Variants in PDZD7 observed in about 807,000 individuals in gnomAD.
The protein encoded by PDZD7 is PDZ domain-containing protein 7.
PDZD7 carries 72 observed loss-of-function variants against 84.7 expected under a neutral mutation model. The ratio of observed to expected loss-of-function variants is 0.85; its 90% CI spans 0.70 to 1.03. The LOEUF (loss-of-function observed/expected upper bound fraction) is 1.03. Ranked by LOEUF, PDZD7 falls within the 50% of genes least tolerant of loss-of-function variation. PDZD7 has a pLI of 0.00. For synonymous variants in PDZD7, 594 were observed against 580.7 expected, an observed-to-expected ratio of 1.02 and a Z score of -0.33; for missense variants, 1,490 against 1,412.9, an observed-to-expected ratio of 1.05 and a Z score of -0.87.
rs1180727289 is a variant in PDZD7, at chr10:101,019,232, G to T, written c.929-15C>A. The T allele has an allele frequency of 1.3e-6, 2 of 1,535,392 alleles. No individual in the cohort carries two copies. Among genetic ancestry groups the T allele is most frequent in the East Asian group, 4.9e-5 (2 of 40,926 alleles). On this transcript the variant is annotated splice_polypyrimidine_tract_variant and intron_variant, in intron 7 of 16. Transcript: ENST00000619208. ...CCCGTTGCTCACTGCAGGGAGTAGA[G>T]AAGCCAGGGATCAGCGGGCTTGCTT...
In PDZD7 at chr10:101,017,854, A is replaced by AG. The variant is rs1554834581; in HGVS notation, c.1522+244dup. Reference sequence around the variant, plus strand: ...AGGAAGGAAGGAAAGAAAGAAAGAAAGAAAGAAAGAAAGAAAGAAAGAAAG... The same window carrying AG: ...AGGAAGGAAGGAAAGAAAGAAAGAAAGGAAAGAAAGAAAGAAAGAAAGAAAG... On this transcript the variant is annotated intron_variant, in intron 9 of 16. Coordinates refer to ENST00000619208, the MANE Select transcript of PDZD7 (RefSeq NM_001195263.2). 5.5e-6 allele frequency: 2 copies of AG among 364,182 alleles called. 1 individual carries two copies. The highest frequency in any genetic ancestry group is 7.9e-5 in the South Asian group (2 of 25,204). 22.6% of individuals were successfully genotyped at this position (364,182 alleles called of 1,614,324 possible). A position where few individuals can be genotyped will look rare whatever the true frequency, so the allele number is the denominator to read the frequency against.
Position 101,017,692 on chromosome 10 carries a change from G to A in PDZD7, c.1522+407C>T, listed in dbSNP as rs1321237600. On this transcript the variant is annotated intron_variant, in intron 9 of 16. Coordinates refer to ENST00000619208, the MANE Select transcript of PDZD7 (RefSeq NM_001195263.2). Reference sequence around the variant, plus strand: ...TGCCAGCACTTTGGGAGGCTGAGGTGGGAGGATCGCTTGAGCGTGGGAGGC... The same window carrying A: ...TGCCAGCACTTTGGGAGGCTGAGGTAGGAGGATCGCTTGAGCGTGGGAGGC... The A allele has an allele frequency of 1.5e-5, 10 of 685,342 alleles. 1 individual carries two copies. Among genetic ancestry groups the A allele is most frequent in the Non-Finnish European group, 2.4e-5 (9 of 375,430 alleles). 42.5% of individuals were successfully genotyped at this position (685,342 alleles called of 1,614,324 possible). A position where few individuals can be genotyped will look rare whatever the true frequency, so the allele number is the denominator to read the frequency against.
intron 11 of PDZD7, among the ~76,000 whole-genome samples, chr10:101,013,831 G>C (rs1852483680): frequency 6.6e-6 from 1 of 151,434 alleles, no homozygotes; most frequent in Non-Finnish European, 1.5e-5. Context: ...ACAGCGATCA[G>C]ACAGGGGTTT....
chr10:101,016,268 C>T, intron 10 of PDZD7, 109 bp downstream of exon 10: 1 of 1,157,000 alleles, frequency 8.6e-7, no homozygotes, highest in Non-Finnish European at 1.3e-6. Context: ...ATCCCCCATG[C>T]TTGACCCTGA....
chr10:101,023,697 T>G, intron 3 of PDZD7, 87 bp from the exon 4 acceptor site: 5 of 1,527,102 alleles, frequency 3.3e-6, no homozygotes, highest in Non-Finnish European at 4.5e-6. Context: ...GGGGTCAAAC[T>G]GAGCTTCTCA....
chr10:101,008,138 C>T lies in PDZD7; in HGVS notation c.*329G>A, dbSNP rs989251211. ...GAGTCTGTGTCCCTGGAGGCTTGGG[C>T]GACTCATAAGGGACAGCATGTGAGA... On this transcript the variant is annotated 3_prime_UTR_variant, in exon 17 of 17. Transcript: ENST00000619208. 6 of 368,080 alleles carry T rather than the reference C, an allele frequency of 1.6e-5. No individual in the cohort carries two copies. The highest frequency in any genetic ancestry group is 4.2e-5 in the East Asian group (1 of 23,742). 22.8% of individuals were successfully genotyped at this position (368,080 alleles called of 1,614,324 possible).
rs1375790216 is a variant in PDZD7 at position 101,008,553 on chromosome 10, G to T, written c.3016C>A (p.Leu1006Ile). ...NPQTPPTDAR[L>I]LQPTPSPAPS... Reference sequence around the variant, plus strand: ...GCTGGGCTGGGAGTTGGCTGGAGGAGCCTGGCATCAGTGGGAGGAGTCTGG... The same window carrying T: ...GCTGGGCTGGGAGTTGGCTGGAGGATCCTGGCATCAGTGGGAGGAGTCTGG... Residue 1006 changes from leucine (L) to isoleucine (I), a missense_variant, in exon 17 of 17, where the codon CTC becomes ATC. Leu to Ile is a conservative substitution (Grantham distance 5, BLOSUM62 2). Coordinates refer to ENST00000619208, the MANE Select transcript of PDZD7 (RefSeq NM_001195263.2). 9 of 1,535,798 alleles carry T rather than the reference G, an allele frequency of 5.9e-6. No individual in the cohort carries two copies. The highest frequency in any genetic ancestry group is 7.8e-6 in the Non-Finnish European group (9 of 1,146,864).
At chr10:101,026,136 G>T (rs1937685363) in intron 2 of PDZD7, among the ~76,000 whole-genome samples, 2 of 151,680 alleles carry the variant, frequency 1.3e-5, no homozygotes, top group Middle Eastern at 3.2e-3. Flanking sequence ...TGTCGGGGAA[G>T]AATTTTTTTT....
chr10:101,009,288 A>C lies in PDZD7; in HGVS notation c.2680T>G (p.Phe894Val). 2.0e-6 allele frequency: 3 copies of C among 1,535,994 alleles called. No individual in the cohort carries two copies. The highest frequency in any genetic ancestry group is 2.6e-6 in the Non-Finnish European group (3 of 1,146,798). Residue 894 changes from phenylalanine to valine, a missense_variant, in exon 16 of 17, where the codon TTC (phenylalanine) becomes GTC (valine). By Grantham distance (50) the Phe-to-Val change is conservative. Transcript: ENST00000619208. Reference protein sequence around the residue: ...VQPMVKIEKIFPGGAAFLSGA... With the variant: ...VQPMVKIEKIVPGGAAFLSGA... ...CTGAGGAAAGCGGCCCCCCCAGGGA[A>C]GATCTTCTCTATCTTCACCATGGGC...
At chr10:101,017,866 A>AGAAAGAAAGAAG (rs1852753191) in intron 9 of PDZD7, 2 of 434,110 alleles carry the variant, frequency 4.6e-6, no homozygotes, top group East Asian at 3.5e-5. Flanking sequence ...AAAGAAAGAA[A>AGAAAGAAAGAAG]GAAAGAAAGA....
In PDZD7 at chr10:101,007,725, C is replaced by T. The variant is rs1852261274; in HGVS notation, c.*742G>A. Reference sequence around the variant, plus strand: ...ATTTGTGTTTGTGACCAAGCAGCCTCTCCCTTCACCCAGGTTTATGGCCTC... The same window carrying T: ...ATTTGTGTTTGTGACCAAGCAGCCTTTCCCTTCACCCAGGTTTATGGCCTC... On this transcript the variant is annotated 3_prime_UTR_variant, in exon 17 of 17. Transcript: ENST00000619208. 1 of 909,042 alleles carries T rather than the reference C, an allele frequency of 1.1e-6. No individual in the cohort carries two copies. The highest frequency in any genetic ancestry group is 3.2e-5 in the South Asian group (1 of 31,516). 56.3% of individuals were successfully genotyped at this position (909,042 alleles called of 1,614,324 possible). A position where few individuals can be genotyped will look rare whatever the true frequency, so the allele number is the denominator to read the frequency against.
rs1467723397 is a variant in PDZD7, at chr10:101,010,869, A to G, written c.2020T>C (p.Phe674Leu). The change falls in exon 15 of 17, where the codon TTC becomes CTC. Residue 674 changes from phenylalanine (F) to leucine (L), a missense_variant. By Grantham distance (22) the Phe-to-Leu change is conservative. Transcript: ENST00000619208. Reference sequence around the variant, plus strand: ...AAGCCGTTCACCGGCAGCAGGTAGAAGCCTCCGCGGCTGTCTGGGGAAGAG... The same window carrying G: ...AAGCCGTTCACCGGCAGCAGGTAGAGGCCTCCGCGGCTGTCTGGGGAAGAG... ...ITPVPDSRGG[F>L]YLLPVNGFPE... The G allele has an allele frequency of 2.0e-6, 3 of 1,533,832 alleles. No individual in the cohort carries two copies. The East Asian group carries it at 7.3e-5, about 37-fold the overall frequency.
In PDZD7 at chr10:101,026,658, A is replaced by C. The variant is rs567988550; in HGVS notation, c.227-2590T>G. ...GTTACTCTAGAGGTGTTTGACAGGGAGAAATCACACACACACACACACACA... is the reference window on the plus strand; with the variant it reads ...GTTACTCTAGAGGTGTTTGACAGGGCGAAATCACACACACACACACACACA... On this transcript the variant is annotated intron_variant, in intron 2 of 16. Transcript: ENST00000619208. Among the ~76,000 whole-genome samples the C allele has an allele frequency of 3.0e-5, 4 of 135,110 alleles. No homozygotes were observed. In the South Asian group the frequency reaches 9.3e-4, roughly 31 times the overall value. The allele number at this position is 135,110 out of a possible 152,430, so 88.6% of individuals were successfully genotyped here.
Position 101,010,677 on chromosome 10 carries a change from GC to G in PDZD7, c.2211del (p.Gln737HisfsTer16), listed in dbSNP as rs1157689930. 13 of 1,520,310 alleles carry G rather than the reference GC, an allele frequency of 8.6e-6. No homozygotes were observed. In the African/African-American group the frequency reaches 1.5e-4, roughly 18 times the overall value. The allele number at this position is 1,520,310 out of a possible 1,614,324, so 94.2% of individuals were successfully genotyped here. ...PLRIACTPPP[Q>X]LPPVAPRPLR... ...AGGGGCCGGGGAGCCACGGGGGGTA[GC>G]TGGGGAGGGGGTGTGCAGGCAATTC... is the stretch of plus-strand genomic sequence containing the variant. On this transcript the variant is annotated frameshift_variant, in exon 15 of 17. Transcript: ENST00000619208. LOFTEE classifies it high-confidence loss of function.
At chr10:101,020,755 GGAT>G in intron 6 of PDZD7, 77 bp from the exon 7 acceptor site, 1 of 1,033,518 alleles carries the variant, frequency 9.7e-7, no homozygotes. Flanking sequence ...GGGGGTGACA[GGAT>G]GGGAGTAAAC....
intron 15 of PDZD7, among the ~76,000 whole-genome samples, chr10:101,009,666 G>A (rs1852329330): frequency 7.6e-6 from 1 of 131,434 alleles, no homozygotes; most frequent in Non-Finnish European, 1.6e-5. Context: ...GGAGTGCAAT[G>A]GCACGATCTC....
At chr10:101,017,919 AAGAAAG>A (rs1852791094) in intron 9 of PDZD7, 174 bp downstream of exon 9, 1 of 553,570 alleles carries the variant, frequency 1.8e-6, no homozygotes, top group African/African-American at 2.0e-5. Flanking sequence ...AAAGAAAAGA[AAGAAAG>A]AAAAAGAAAT....
intron 15 of PDZD7, 53 bp downstream of exon 15, chr10:101,010,217 CCT>C (rs1481675747): frequency 1.4e-5 from 20 of 1,467,372 alleles, no homozygotes; most frequent in Non-Finnish European, 1.8e-5. Flanking sequence ...AGATTCTTTT[CCT>C]AGGCCCAGGC....
At chr10:101,021,477 C>G (rs958217285) in intron 6 of PDZD7, among the ~76,000 whole-genome samples, 1 of 152,132 alleles carries the variant, frequency 6.6e-6, no homozygotes, top group African/African-American at 2.4e-5. Flanking sequence ...AGCCACCACC[C>G]CTCCCTTCTG....
Sources: allele counts gnomAD v4.1 joint callset (sites outside exome capture counted in the v4.1 genomes callset), GRCh38; gene constraint gnomAD v4.1.1; transcripts MANE v1.5; gene names NCBI Gene and HGNC (gene_info 2026-07-23, HGNC 2026-07-21).